INTS8: variants seen among roughly 807,000 people sequenced by gnomAD.
The protein encoded by INTS8 is protein kaonashi-1.
INTS8 carries 47 observed loss-of-function variants against 138.9 expected under a neutral mutation model. That is an observed-to-expected ratio of 0.34 (90% CI 0.27 to 0.43). The LOEUF is 0.43. INTS8 is among the 20% of genes least tolerant of loss of function. The pLI, the probability that INTS8 is intolerant of heterozygous loss-of-function variation, is 1.00. For synonymous variants in INTS8, 392 were observed against 400.9 expected, an observed-to-expected ratio of 0.98 and a Z score of 0.27; for missense variants, 996 against 1,173.0, an observed-to-expected ratio of 0.85 and a Z score of 2.20.
intron 15 of INTS8, among the ~76,000 whole-genome samples, chr8:94,858,648 C>A (rs1815840516): frequency 6.6e-6 from 1 of 152,154 alleles, no homozygotes; most frequent in South Asian, 2.1e-4. Context: ...GCTACTGTTT[C>A]CTTATCCCCA....
chr8:94,861,470 C>T (rs1303613681), intron 16 of INTS8, among the ~76,000 whole-genome samples: 1 of 151,828 alleles, frequency 6.6e-6, no homozygotes, highest in Non-Finnish European at 1.5e-5. Flanking sequence ...ACCGTGTTAG[C>T]CAGGATGGTC....
chr8:94,879,484 ACTT>A (rs1352621814), intron 26 of INTS8, among the ~76,000 whole-genome samples: 4 of 151,820 alleles, frequency 2.6e-5, no homozygotes, highest in Non-Finnish European at 5.9e-5. Flanking sequence ...AATCCCAGCT[ACTT>A]GGGAGGCTGA....
chr8:94,851,813 T>G lies in INTS8; in HGVS notation c.1641+127T>G, dbSNP rs1815556723. On this transcript the variant is annotated intron_variant, in intron 13 of 26. Coordinates refer to ENST00000523731, the MANE Select transcript of INTS8 (RefSeq NM_017864.4). ...ACTTAACAGTTTTAAGACCTTCATA[T>G]GAACATAATTGCATTTTTAACATCC... 3 of 608,972 alleles carry G rather than the reference T, an allele frequency of 4.9e-6. No homozygotes were observed. The South Asian group carries it at 8.3e-5, about 17-fold the overall frequency. 37.7% of individuals were successfully genotyped at this position (608,972 alleles called of 1,614,324 possible). A position where few individuals can be genotyped will look rare whatever the true frequency, so the allele number is the denominator to read the frequency against.
At chr8:94,854,035 G>GTTCAAA in intron 14 of INTS8, 120 bp downstream of exon 14, 1 of 578,990 alleles carries the variant, frequency 1.7e-6, no homozygotes, top group Non-Finnish European at 3.2e-6. Flanking sequence ...CTGAGGTCAA[G>GTTCAAA]ACCAGCCTGG....
intron 22 of INTS8, among the ~76,000 whole-genome samples, chr8:94,874,028 AC>A (rs1563672725): frequency 6.6e-6 from 1 of 152,198 alleles, no homozygotes; most frequent in African/African-American, 2.4e-5. Context: ...AAACAAAAAA[AC>A]ATATCCATTG....
At chr8:94,848,012 G>GTTTTTTTTTTTTTTT (rs1169477857) in intron 10 of INTS8, among the ~76,000 whole-genome samples, 4 of 120,060 alleles carry the variant, frequency 3.3e-5, no homozygotes, top group African/African-American at 1.3e-4. Context: ...TTAAAACACT[G>GTTTTTTTTTTTTTTT]CTTTTTTTTT....
rs1816778926 is a variant in INTS8 at position 94,880,781 on chromosome 8, T to A, written c.*547T>A. The stretch of plus-strand genomic sequence containing the variant: ...CACTAAATTAAAAAAAAAAATTCCT[T>A]AGGGATATCTTAGAGTAGTAAAGTG... On this transcript the variant is annotated 3_prime_UTR_variant, in exon 27 of 27. Coordinates refer to ENST00000523731, the MANE Select transcript of INTS8 (RefSeq NM_017864.4). The A allele has an allele frequency of 2.5e-6, 1 of 398,174 alleles. No homozygotes were observed. The highest frequency in any genetic ancestry group is 2.1e-5 in the African/African-American group (1 of 48,590). The allele number at this position is 398,174 out of a possible 1,614,324, so 24.7% of individuals were successfully genotyped here.
At chr8:94,835,377 T>A (rs148840767) in intron 6 of INTS8, among the ~76,000 whole-genome samples, 1 of 152,308 alleles carries the variant, frequency 6.6e-6, no homozygotes, top group African/African-American at 2.4e-5. Context: ...TTGAAAAACA[T>A]ACAAATTATT....
chr8:94,844,505 C>T (rs559115661), intron 10 of INTS8, among the ~76,000 whole-genome samples: 2 of 151,972 alleles, frequency 1.3e-5, no homozygotes, highest in East Asian at 2.0e-4. Context: ...TTAGTAGCGA[C>T]GGGGTTTTGC....
At chr8:94,835,911 T>C (rs1015278699) in intron 6 of INTS8, among the ~76,000 whole-genome samples, 4 of 152,336 alleles carry the variant, frequency 2.6e-5, no homozygotes, top group Middle Eastern at 3.4e-3. Context: ...CTTCTTCTTA[T>C]AGAATCAACT....
At chr8:94,879,464 G>A (rs886226931) in intron 26 of INTS8, among the ~76,000 whole-genome samples, 5 of 151,776 alleles carry the variant, frequency 3.3e-5, no homozygotes, top group Admixed American at 6.6e-5. Context: ...ACGAGATGGC[G>A]GGCGTCTGTA....
chr8:94,861,131 A>G lies in INTS8; in HGVS notation c.2076+1499A>G, dbSNP rs1815955114. Among the ~76,000 whole-genome samples the G allele has an allele frequency of 2.7e-5, 4 of 150,560 alleles. No homozygotes were observed. In the East Asian group the frequency reaches 7.8e-4, roughly 29 times the overall value. On this transcript the variant is annotated intron_variant, in intron 16 of 26. Coordinates refer to ENST00000523731, the MANE Select transcript of INTS8 (RefSeq NM_017864.4). Reference sequence around the variant, plus strand: ...TTGTAAAACTGTGCCACTTTGTAACATTTGTGTTTGGTTACTTGTTTCTTC... The same window carrying G: ...TTGTAAAACTGTGCCACTTTGTAACGTTTGTGTTTGGTTACTTGTTTCTTC...
At chr8:94,855,132 A>G (rs1453981576) in intron 14 of INTS8, among the ~76,000 whole-genome samples, 2 of 152,172 alleles carry the variant, frequency 1.3e-5, no homozygotes, top group Admixed American at 6.5e-5. Context: ...ATCTTTTTAA[A>G]TAAGCCCTCA....
At chr8:94,830,382 T>C (rs888399247) in intron 5 of INTS8, among the ~76,000 whole-genome samples, 1 of 152,244 alleles carries the variant, frequency 6.6e-6, no homozygotes, top group Non-Finnish European at 1.5e-5. Context: ...TATGCTGTAA[T>C]ATTTTGAATG....
chr8:94,876,412 C>A (rs372411112), intron 25 of INTS8, 34 bp from the exon 26 acceptor site: 1 of 1,423,682 alleles, frequency 7.0e-7, no homozygotes, highest in South Asian at 1.2e-5. Flanking sequence ...ATATTTAATA[C>A]TATCAGATTT....
chr8:94,880,036 C>A, intron 26 of INTS8, 82 bp from the exon 27 acceptor site: 5 of 868,220 alleles, frequency 5.8e-6, no homozygotes, highest in South Asian at 4.5e-5. Flanking sequence ...GTTGTTAGCA[C>A]GTAGGTAGCT....
Position 94,876,382 on chromosome 8 carries a change from T to C in INTS8, c.2828-64T>C, listed in dbSNP as rs900572515. The C allele has an allele frequency of 3.9e-5, 55 of 1,408,408 alleles. No individual in the cohort carries two copies. The Middle Eastern group carries it at 9.8e-4, about 25-fold the overall frequency. 87.2% of individuals were successfully genotyped at this position (1,408,408 alleles called of 1,614,324 possible). A position where few individuals can be genotyped will look rare whatever the true frequency, so the allele number is the denominator to read the frequency against. On this transcript the variant is annotated intron_variant, in intron 25 of 26. Coordinates refer to ENST00000523731, the MANE Select transcript of INTS8 (RefSeq NM_017864.4). ...ATATTTTCCAAATCAAAACTGAAAA[T>C]GAGTTGAGATTCTCTCATTATATTT...
At chr8:94,876,554 T>G (rs1816571580) in intron 26 of INTS8, 65 bp downstream of exon 26, 1 of 1,008,318 alleles carries the variant, frequency 9.9e-7, no homozygotes, top group Non-Finnish European at 1.5e-6. Flanking sequence ...TGTTAAGATG[T>G]GAACCAACAA....
chr8:94,827,192 A>G, intron 2 of INTS8, 71 bp from the exon 3 acceptor site: 2 of 1,315,324 alleles, frequency 1.5e-6, no homozygotes, highest in Non-Finnish European at 1.1e-6. Context: ...CAGCGAGGAT[A>G]TGGAATTTTG....
Sources: allele counts gnomAD v4.1 joint callset (sites outside exome capture counted in the v4.1 genomes callset), GRCh38; gene constraint gnomAD v4.1.1; transcripts MANE v1.5; gene names NCBI Gene and HGNC (gene_info 2026-07-23, HGNC 2026-07-21).